The following VPS53 variants were observed in gnomAD, a reference collection of about 807,000 sequenced individuals.
The protein encoded by VPS53 is VPS53 subunit of GARP complex.
A neutral mutation model predicts 107.0 loss-of-function variants in VPS53; 70 were observed. The observed-to-expected ratio is 0.65, with a 90% CI of 0.54 to 0.80. The LOEUF is 0.80. Among genes scored for constraint, VPS53 ranks in the 30% least tolerant of loss-of-function variants. The pLI is 0.00. For synonymous variants in VPS53, 409 were observed against 393.3 expected (o/e 1.04, Z -0.47); for missense variants, 917 against 1,049.4 (o/e 0.87, Z 1.74).
intron 11 of VPS53, among the ~76,000 whole-genome samples, chr17:609,806 A>AG (rs369267753): frequency 1.8e-4 from 28 of 152,232 alleles, no homozygotes; most frequent in African/African-American, 6.7e-4. Flanking sequence ...AAGAGAAGAG[A>AG]GGAAAAAAAC....
intron 4 of VPS53, among the ~76,000 whole-genome samples, chr17:671,641 C>G (rs1040223476): frequency 6.6e-6 from 1 of 151,966 alleles, no homozygotes; most frequent in South Asian, 2.1e-4. Flanking sequence ...TTCCTTTCAC[C>G]GTGTTTCTAC....
intron 1 of VPS53, among the ~76,000 whole-genome samples, chr17:713,811 G>T (rs535291598): frequency 9.5e-4 from 144 of 152,140 alleles, no homozygotes; most frequent in Admixed American, 2.6e-3. Context: ...AGGCCAAGGC[G>T]GGCGGGTTAC....
At chr17:566,017 A>C (rs1474986663) in intron 13 of VPS53, among the ~76,000 whole-genome samples, 80 of 151,796 alleles carry the variant, frequency 5.3e-4, no homozygotes, top group Admixed American at 1.3e-4. Flanking sequence ...TCCCGGCTAA[A>C]ACGGTGAAAC....
intron 12 of VPS53, among the ~76,000 whole-genome samples, chr17:590,436 G>C (rs1454841360): frequency 1.3e-5 from 2 of 150,256 alleles, no homozygotes; most frequent in Non-Finnish European, 3.0e-5. Flanking sequence ...TGGTGAGAGA[G>C]GGCATCCCTG....
chr17:562,115 G>A (rs1456752305), intron 14 of VPS53, among the ~76,000 whole-genome samples: 3 of 152,174 alleles, frequency 2.0e-5, no homozygotes, highest in Non-Finnish European at 2.9e-5. Context: ...CCATCACTCC[G>A]GGGCATCATC....
intron 4 of VPS53, among the ~76,000 whole-genome samples, chr17:670,925 A>G (rs749242704): frequency 6.6e-6 from 1 of 152,038 alleles, no homozygotes; most frequent in Non-Finnish European, 1.5e-5. Context: ...TCCCTTTTCT[A>G]TTATATGGAA....
At chr17:539,987 C>A (rs963099557) in intron 17 of VPS53, among the ~76,000 whole-genome samples, 3 of 152,008 alleles carry the variant, frequency 2.0e-5, no homozygotes, top group Non-Finnish European at 2.9e-5. Context: ...AAGCCCAAAC[C>A]CGGTCTATCT....
rs1419783159 is a variant in VPS53, at chr17:631,554, G to C, written c.683C>G (p.Thr228Ser). The C allele has an allele frequency of 4.3e-6, 7 of 1,613,892 alleles. No homozygotes were observed. The highest frequency in any genetic ancestry group is 5.9e-6 in the Non-Finnish European group (7 of 1,179,978). The stretch of plus-strand genomic sequence containing the variant: ...TGGGGAAACGCAAAGCAGTACCTTG[G>C]TGCCCTGGGAAGGAAACGCTTCTTC... ...DFEEAFPSQGTKRPGGPSNVL... is the reference protein window; with the variant it reads ...DFEEAFPSQGSKRPGGPSNVL... The change falls in exon 8 of 22, where the codon ACC becomes AGC. Residue 228 changes from threonine (T) to serine (S), a missense_variant. Physicochemically the swap from Thr to Ser is moderately conservative, Grantham distance 58 (BLOSUM62 1). Transcript: ENST00000437048.
chr17:572,388 A>G (rs1914227383), intron 13 of VPS53, among the ~76,000 whole-genome samples: 1 of 146,268 alleles, frequency 6.8e-6, no homozygotes, highest in Non-Finnish European at 1.5e-5. Flanking sequence ...TCCGCCGGGC[A>G]GCCACCCCGT....
intron 17 of VPS53, among the ~76,000 whole-genome samples, chr17:547,400 G>A (rs962044552): frequency 2.6e-5 from 4 of 152,096 alleles, no homozygotes; most frequent in South Asian, 2.1e-4. Flanking sequence ...AAAACACTAC[G>A]CTAAGTGAAG....
chr17:627,149 G>A, intron 10 of VPS53, 25 bp downstream of exon 10: 1 of 1,605,122 alleles, frequency 6.2e-7, no homozygotes, highest in South Asian at 1.1e-5. Context: ...ATTAACCACA[G>A]AACCAGTAGA....
intron 4 of VPS53, among the ~76,000 whole-genome samples, chr17:689,762 C>T (rs1364579943): frequency 2.0e-5 from 3 of 152,138 alleles, no homozygotes; most frequent in Non-Finnish European, 4.4e-5. Flanking sequence ...GCGTAAGCTA[C>T]CAAGCCCGGC....
intron 13 of VPS53, among the ~76,000 whole-genome samples, chr17:582,242 C>T (rs1446764614): frequency 6.7e-6 from 1 of 148,214 alleles, no homozygotes; most frequent in Non-Finnish European, 1.5e-5. Context: ...CAGAGAACCT[C>T]CCTCAGAACC....
At chr17:561,181 T>C (rs542187188) in intron 14 of VPS53, among the ~76,000 whole-genome samples, 1 of 152,310 alleles carries the variant, frequency 6.6e-6, no homozygotes, top group South Asian at 2.1e-4. Context: ...TGTTAAGACA[T>C]GCTTCCTGCC....
chr17:521,725 G>A lies in VPS53; in HGVS notation c.2099C>T (p.Thr700Ile). The stretch of plus-strand genomic sequence containing the variant: ...GAGCAGGACCATCTTCAGCGAGTGG[G>A]TGTCCAGCAGCAGCTGTGGAGCAAA... ...MVGAEQLLLD[T>I]HSLKMVLLDL... Residue 700 changes from threonine to isoleucine, a missense_variant, in exon 20 of 22, where the codon ACC becomes ATC. Transcript: ENST00000437048. The A allele has an allele frequency of 6.5e-7, 1 of 1,544,854 alleles. No homozygotes were observed. Among genetic ancestry groups the A allele is most frequent in the Non-Finnish European group, 8.8e-7 (1 of 1,142,170 alleles).
intron 4 of VPS53, among the ~76,000 whole-genome samples, chr17:672,168 A>AC (rs1971984074): frequency 1.5e-5 from 1 of 68,304 alleles, no homozygotes; most frequent in African/African-American, 4.1e-5. Flanking sequence ...TCTCTCACAC[A>AC]ATCTCAATCT....
chr17:585,013 C>T (rs968663895), intron 13 of VPS53, among the ~76,000 whole-genome samples: 1 of 152,322 alleles, frequency 6.6e-6, no homozygotes, highest in South Asian at 2.1e-4. Flanking sequence ...ACAGAAACAA[C>T]GCTTCCGTCA....
chr17:604,407 T>G (rs1048672910), intron 11 of VPS53, among the ~76,000 whole-genome samples: 5 of 152,142 alleles, frequency 3.3e-5, no homozygotes, highest in African/African-American at 1.2e-4. Flanking sequence ...TTGAACCTAC[T>G]CTCGCCGGTG....
intron 4 of VPS53, among the ~76,000 whole-genome samples, chr17:662,857 GGA>G (rs1971522092): frequency 3.3e-5 from 3 of 91,116 alleles, no homozygotes; most frequent in Non-Finnish European, 5.8e-5. Flanking sequence ...AAGGAAGGAA[GGA>G]AGGAAGGAAG....
Sources: gnomAD v4.1 joint callset for allele counts (sites outside exome capture counted in the v4.1 genomes callset) on GRCh38, gnomAD v4.1.1 for gene constraint, MANE v1.5 for transcripts, NCBI Gene and HGNC (gene_info 2026-07-23, HGNC 2026-07-21) for gene names.